Variants in ZBTB16 observed in about 807,000 individuals in gnomAD.
ZBTB16 encodes zinc finger and BTB domain-containing protein 16.
Under a neutral mutation model 56.8 loss-of-function variants are expected in ZBTB16, and 8 were observed. The ratio of observed to expected loss-of-function variants is 0.14; its 90% CI spans 0.08 to 0.25. ZBTB16 has a LOEUF of 0.25. Ranked by LOEUF, ZBTB16 falls within the 10% of genes least tolerant of loss-of-function variation. ZBTB16 has a pLI of 1.00. For missense variants in ZBTB16, 625 were observed against 903.0 expected (o/e 0.69, Z 3.95); for synonymous variants, 363 against 368.5 (o/e 0.98, Z 0.17).
chr11:114,197,432 C>A (rs555497274), intron 4 of ZBTB16, among the ~76,000 whole-genome samples: 3 of 152,232 alleles, frequency 2.0e-5, no homozygotes, highest in East Asian at 1.9e-4. Context: ...TGTCTTCCCC[C>A]CACTCTCTGT....
chr11:114,068,658 C>T (rs1322228539), intron 2 of ZBTB16, among the ~76,000 whole-genome samples: 2 of 152,220 alleles, frequency 1.3e-5, no homozygotes, highest in East Asian at 1.9e-4. Context: ...CTTTGGGCCC[C>T]CAAATCTTCA....
At chr11:114,130,876 A>G (rs1015184313) in intron 2 of ZBTB16, among the ~76,000 whole-genome samples, 27 of 152,238 alleles carry the variant, frequency 1.8e-4, no homozygotes, top group Non-Finnish European at 1.0e-4. Context: ...ATAATTCATT[A>G]CATTTTCTGG....
At chr11:114,142,249 A>C (rs550426999) in intron 2 of ZBTB16, among the ~76,000 whole-genome samples, 1 of 152,288 alleles carries the variant, frequency 6.6e-6, no homozygotes, top group African/African-American at 2.4e-5. Flanking sequence ...TGCAGCCGAC[A>C]ACCTTCCTGT....
intron 3 of ZBTB16, among the ~76,000 whole-genome samples, chr11:114,157,293 G>T (rs1942441024): frequency 6.6e-6 from 1 of 152,156 alleles, no homozygotes; most frequent in South Asian, 2.1e-4. Context: ...GCAGAGAAAG[G>T]TTCAAATCCT....
chr11:114,071,444 G>A (rs1939345784), intron 2 of ZBTB16, among the ~76,000 whole-genome samples: 1 of 152,142 alleles, frequency 6.6e-6, no homozygotes, highest in African/African-American at 2.4e-5. Flanking sequence ...ATTGCTGGGA[G>A]GGAGAAAGCT....
At chr11:114,095,245 C>CTTTTCTTTTTTTTTCT (rs1555132749) in intron 2 of ZBTB16, among the ~76,000 whole-genome samples, 1 of 90,476 alleles carries the variant, frequency 1.1e-5, no homozygotes. Context: ...CTTTTCTTTT[C>CTTTTCTTTTTTTTTCT]TTTTTTTTTT....
chr11:114,170,395 G>C (rs545927840), intron 3 of ZBTB16, among the ~76,000 whole-genome samples: 2 of 152,362 alleles, frequency 1.3e-5, no homozygotes, highest in African/African-American at 4.8e-5. Flanking sequence ...TGAAGCCCCT[G>C]TGTATGCCTT....
chr11:114,064,205 G>A lies in ZBTB16; in HGVS notation c.905G>A (p.Ser302Asn). 6.2e-7 allele frequency: 1 copy of A among 1,613,988 alleles called. No individual in the cohort carries two copies. The highest frequency in any genetic ancestry group is 1.1e-5 in the South Asian group (1 of 91,086). ...ARELHYGREE[S>N]AEQVPPPAEA... Reference sequence around the variant, plus strand: ...GAGCTACACTATGGGCGAGAGGAGAGTGCCGAGCAGGTGCCACCCCCAGCT... The same window carrying A: ...GAGCTACACTATGGGCGAGAGGAGAATGCCGAGCAGGTGCCACCCCCAGCT... Residue 302 changes from serine to asparagine, a missense_variant, in exon 2 of 7, where the codon AGT becomes AAT. Ser to Asn is a conservative substitution (Grantham distance 46). Coordinates refer to ENST00000335953, the MANE Select transcript of ZBTB16 (RefSeq NM_006006.6). This position sits in a 1 kb window ranked among gnomAD's most constrained non-coding sequence, Gnocchi z 4.2.
At chr11:114,187,186 G>A (rs947206441) in intron 4 of ZBTB16, 148 bp downstream of exon 4, 11 of 759,432 alleles carry the variant, frequency 1.4e-5, no homozygotes, top group African/African-American at 1.0e-4. Context: ...CTTCTGCCAC[G>A]TTCAGCTACT....
intron 2 of ZBTB16, among the ~76,000 whole-genome samples, chr11:114,141,880 T>C (rs115558787): frequency 1.1e-3 from 168 of 152,384 alleles, no homozygotes; most frequent in African/African-American, 3.9e-3. Context: ...ATGCGCAGAA[T>C]AGTGCCTGGC....
At chr11:114,088,482 A>G (rs1176583348) in intron 2 of ZBTB16, among the ~76,000 whole-genome samples, 1 of 151,968 alleles carries the variant, frequency 6.6e-6, no homozygotes, top group African/African-American at 2.4e-5. Flanking sequence ...TTTCTTCCCT[A>G]AGAAACCCCA....
In ZBTB16 at chr11:114,252,542, G is replaced by A. The variant is rs1944934944; in HGVS notation, c.*1987G>A. On this transcript the variant is annotated 3_prime_UTR_variant, in exon 7 of 7. Transcript: ENST00000335953. ...TTCCCCAACCTCCCCCGACCCTCCT[G>A]AATTTTGGAAAGCACATTTGCAATA... Among the ~76,000 whole-genome samples the A allele has an allele frequency of 6.6e-6, 1 of 152,078 alleles. No homozygotes were observed. The highest frequency in any genetic ancestry group is 2.4e-5 in the African/African-American group (1 of 41,390).
intron 4 of ZBTB16, among the ~76,000 whole-genome samples, chr11:114,212,902 G>C (rs1944024228): frequency 6.6e-6 from 1 of 151,996 alleles, no homozygotes. Flanking sequence ...AAGTCTCTAT[G>C]TTTTCTGCTT....
intron 2 of ZBTB16, among the ~76,000 whole-genome samples, chr11:114,068,861 T>C (rs1044396477): frequency 2.0e-5 from 3 of 152,212 alleles, no homozygotes; most frequent in Non-Finnish European, 4.4e-5. Flanking sequence ...TACGTACATA[T>C]GCGATAAGAT....
intron 1 of ZBTB16, among the ~76,000 whole-genome samples, chr11:114,061,749 G>A (rs1489698801): frequency 6.6e-6 from 1 of 152,184 alleles, no homozygotes; most frequent in Non-Finnish European, 1.5e-5. Flanking sequence ...ACAGGCTCTG[G>A]GAGAGGCCTT....
intron 4 of ZBTB16, among the ~76,000 whole-genome samples, chr11:114,240,643 G>T (rs2135196453): frequency 6.6e-6 from 1 of 152,284 alleles, no homozygotes; most frequent in South Asian, 2.1e-4. Context: ...CCAAAAGGGT[G>T]GGCACTGAGC....
At position 114,119,491 on chromosome 11, in the gene ZBTB16, A is replaced by G. The variant is rs77625443; in HGVS notation, c.1269-36846A>G. On this transcript the variant is annotated intron_variant, in intron 2 of 6. Coordinates refer to ENST00000335953, the MANE Select transcript of ZBTB16 (RefSeq NM_006006.6). ...GCTCTCTAATGCAGTGTCGACTGCT[A>G]TTCTCAATGAGGCCCAGCACTGTCC... Among the ~76,000 whole-genome samples the G allele has an allele frequency of 9.5e-3, 1,446 of 152,062 alleles. 22 individuals carry two copies. The highest frequency in any genetic ancestry group is 0.033 in the African/African-American group (1,366 of 41,476).
At chr11:114,065,657 C>T (rs1026495410) in intron 2 of ZBTB16, among the ~76,000 whole-genome samples, 31 of 152,176 alleles carry the variant, frequency 2.0e-4, no homozygotes, top group African/African-American at 6.3e-4. Flanking sequence ...CTCAGGTGAT[C>T]GGCCTGCTTC....
chr11:114,063,897 C>T lies in ZBTB16; in HGVS notation c.597C>T (p.Thr199=), dbSNP rs1213811383. 4 of 1,614,046 alleles carry T rather than the reference C, an allele frequency of 2.5e-6. No individual in the cohort carries two copies. The highest frequency in any genetic ancestry group is 2.2e-5 in the East Asian group (1 of 44,882). ...TTGGTCTTTCAGCCATGAGTCCCAC[C>T]AAGGCTGCAGTGGACAGTTTGATGA... ...TSFGLSAMSP[T]KAAVDSLMTI... Residue 199 remains threonine, a synonymous_variant, in exon 2 of 7, where the codon ACC becomes ACT. Coordinates refer to ENST00000335953, the MANE Select transcript of ZBTB16 (RefSeq NM_006006.6). This position sits in a 1 kb window ranked among gnomAD's most constrained non-coding sequence, Gnocchi z 6.5.
Sources: allele counts gnomAD v4.1 joint callset (sites outside exome capture counted in the v4.1 genomes callset), GRCh38; gene constraint gnomAD v4.1.1; non-coding constraint Gnocchi (gnomAD v3.1); transcripts MANE v1.5; gene names NCBI Gene and HGNC (gene_info 2026-07-23, HGNC 2026-07-21).